The following HIP1 variants were observed in gnomAD, a reference collection of about 807,000 sequenced individuals.
HIP1 encodes huntingtin-interacting protein 1.
In HIP1, 65 loss-of-function variants were observed where a neutral mutation model predicts 147.6. That is an observed-to-expected ratio of 0.44 (90% CI 0.36 to 0.54). The LOEUF is 0.54. Among genes scored for constraint, HIP1 ranks in the 20% least tolerant of loss-of-function variants. The probability of loss-of-function intolerance (pLI) is 0.00; values close to 1 mark genes in which losing one functional copy is unlikely to be tolerated. For missense variants in HIP1, 1,061 were observed against 1,299.6 expected, an observed-to-expected ratio of 0.82 and a Z score of 2.82; for synonymous variants, 479 against 504.0, an observed-to-expected ratio of 0.95 and a Z score of 0.67.
At chr7:75,543,632 C>T (rs1335240150) in intron 27 of HIP1, among the ~76,000 whole-genome samples, 2 of 152,122 alleles carry the variant, frequency 1.3e-5, no homozygotes, top group Non-Finnish European at 1.5e-5. Context: ...CCATCGTGCC[C>T]GGCCTGATTC....
chr7:75,562,167 A>T lies in HIP1; in HGVS notation c.1024T>A (p.Leu342Ile), dbSNP rs1344245791. The change falls in exon 12 of 31, where the codon TTA (leucine) becomes ATA (isoleucine). Residue 342 changes from leucine (L) to isoleucine (I), a missense_variant. This residue lies in a region of HIP1 where 810 missense variants were observed against 946.8 expected (regional missense o/e 0.86). Coordinates refer to ENST00000336926, the MANE Select transcript of HIP1 (RefSeq NM_005338.7). ...LMDMDASQQN[L>I]FDNKFDDIFG... ...ATGTCATCAAACTTGTTGTCAAATA[A>T]ATTCTGTGGTTGACCAAAAAGGAGT... 5 of 1,610,832 alleles carry T rather than the reference A, an allele frequency of 3.1e-6. No homozygotes were observed. Among genetic ancestry groups the T allele is most frequent in the Non-Finnish European group, 4.2e-6 (5 of 1,177,016 alleles).
Position 75,589,683 on chromosome 7 carries a change from CAAA to C in HIP1, c.384+2370_384+2372del, listed in dbSNP as rs1159535613. On this transcript the variant is annotated intron_variant, in intron 4 of 30. Transcript: ENST00000336926. ...AGGCAACAGAGCAAGACTCTGTCTC[CAAA>C]AAAAAAAAAAAAAAAAAAAAAAAAA... Among the ~76,000 whole-genome samples the C allele has an allele frequency of 2.8e-3, 141 of 49,622 alleles. 2 individuals are homozygous for C. Among genetic ancestry groups the C allele is most frequent in the African/African-American group, 6.6e-3 (76 of 11,462 alleles). 32.6% of individuals were successfully genotyped at this position (49,622 alleles called of 152,430 possible).
chr7:75,600,059 C>T (rs1351213937), intron 1 of HIP1, among the ~76,000 whole-genome samples: 15 of 151,848 alleles, frequency 9.9e-5, no homozygotes, highest in African/African-American at 2.2e-4. Context: ...AGGCTGGTCT[C>T]GAGATCCTGA....
intron 1 of HIP1, among the ~76,000 whole-genome samples, chr7:75,681,808 G>T (rs1427034956): frequency 6.6e-6 from 1 of 151,494 alleles, no homozygotes; most frequent in Non-Finnish European, 1.5e-5. Flanking sequence ...GCCAGCACCT[G>T]CTCTTCTTTA....
intron 5 of HIP1, among the ~76,000 whole-genome samples, chr7:75,583,908 G>C (rs1181157414): frequency 6.6e-6 from 1 of 151,412 alleles, no homozygotes; most frequent in Non-Finnish European, 1.5e-5. Flanking sequence ...GATTACAGGT[G>C]TGAGCCACCA....
chr7:75,545,683 C>T (rs782239389), intron 25 of HIP1, among the ~76,000 whole-genome samples: 9 of 151,806 alleles, frequency 5.9e-5, no homozygotes, highest in Non-Finnish European at 1.3e-4. Context: ...CGGTGGTTCA[C>T]GCCTGTAATC....
intron 22 of HIP1, among the ~76,000 whole-genome samples, chr7:75,550,145 A>C (rs1180592958): frequency 2.6e-5 from 4 of 152,202 alleles, no homozygotes; most frequent in Admixed American, 2.0e-4. Flanking sequence ...ATTTGAACTA[A>C]GGTCTGACAA....
intron 22 of HIP1, among the ~76,000 whole-genome samples, chr7:75,551,189 A>T (rs1460993683): frequency 2.6e-4 from 20 of 77,414 alleles, no homozygotes; most frequent in South Asian, 5.0e-4. Flanking sequence ...GTAGATGATA[A>T]TTTTTTTTTT....
At chr7:75,719,716 G>C (rs1191731319) in intron 1 of HIP1, among the ~76,000 whole-genome samples, 1 of 151,946 alleles carries the variant, frequency 6.6e-6, no homozygotes, top group Non-Finnish European at 1.5e-5. Context: ...CACCACGCCT[G>C]GCCCTCCACG....
rs147283803 is a variant in HIP1, at chr7:75,642,530, G to C, written c.121-43283C>G. Among the ~76,000 whole-genome samples, 1,372 of 152,184 alleles carry C rather than the reference G, an allele frequency of 9.0e-3. 21 individuals carry two copies. The highest frequency in any genetic ancestry group is 0.031 in the African/African-American group (1,295 of 41,488). On this transcript the variant is annotated intron_variant, in intron 1 of 30. Coordinates refer to ENST00000336926, the MANE Select transcript of HIP1 (RefSeq NM_005338.7). ...AGCTTGGGCCACAGAGTGAGACTCT[G>C]TCTCAAAACAAAACAAAACAAAACC...
intron 9 of HIP1, among the ~76,000 whole-genome samples, chr7:75,566,259 T>C (rs185244203): frequency 6.8e-6 from 1 of 148,032 alleles, no homozygotes; most frequent in African/African-American, 2.5e-5. Flanking sequence ...TGACCTCAAG[T>C]GATCTGCCCA....
chr7:75,589,618 G>A (rs1554500296), intron 4 of HIP1, among the ~76,000 whole-genome samples: 1 of 135,906 alleles, frequency 7.4e-6, no homozygotes, highest in African/African-American at 2.7e-5. Flanking sequence ...GGGTGGCGAA[G>A]GGTGCAGTGA....
intron 1 of HIP1, among the ~76,000 whole-genome samples, chr7:75,635,470 C>T (rs1006458690): frequency 1.3e-5 from 2 of 150,556 alleles, no homozygotes; most frequent in Admixed American, 6.7e-5. Context: ...CCCAGCTACT[C>T]GGGAGGCTAA....
At chr7:75,615,604 C>A (rs958105663) in intron 1 of HIP1, among the ~76,000 whole-genome samples, 8 of 152,088 alleles carry the variant, frequency 5.3e-5, no homozygotes, top group Non-Finnish European at 1.0e-4. Context: ...GACTGTACTA[C>A]TCCTTCCTGT....
intron 13 of HIP1, among the ~76,000 whole-genome samples, chr7:75,560,665 G>A (rs1795195085): frequency 1.3e-5 from 2 of 152,140 alleles, no homozygotes. Context: ...TACTGTGCCT[G>A]GCCTAAATGC....
chr7:75,708,528 T>C (rs184483170), intron 1 of HIP1, among the ~76,000 whole-genome samples: 86 of 152,312 alleles, frequency 5.6e-4, no homozygotes, highest in African/African-American at 1.9e-3. Flanking sequence ...AATGTTTGTA[T>C]ATGGTGTAAG....
intron 9 of HIP1, among the ~76,000 whole-genome samples, chr7:75,567,174 T>G (rs1421104249): frequency 6.6e-6 from 1 of 150,786 alleles, no homozygotes; most frequent in East Asian, 1.9e-4. Flanking sequence ...TTTTTTTGTT[T>G]TTTTTTTTTG....
chr7:75,607,368 G>T (rs587744948), intron 1 of HIP1, among the ~76,000 whole-genome samples: 1 of 150,798 alleles, frequency 6.6e-6, no homozygotes, highest in South Asian at 2.1e-4. Flanking sequence ...AGCTGGGATT[G>T]CAGGTGCACA....
intron 1 of HIP1, among the ~76,000 whole-genome samples, chr7:75,722,233 C>T (rs1801525043): frequency 6.6e-6 from 1 of 151,922 alleles, no homozygotes. Context: ...TTGCTGGAGC[C>T]CAGGAGTTTG....
Sources: allele counts gnomAD v4.1 joint callset (sites outside exome capture counted in the v4.1 genomes callset), GRCh38; gene constraint gnomAD v4.1.1; regional missense constraint gnomAD v4.1.1; transcripts MANE v1.5; gene names NCBI Gene and HGNC (gene_info 2026-07-23, HGNC 2026-07-21).